SHANK2: variants seen among roughly 807,000 people sequenced by gnomAD.
SHANK2 encodes the protein SH3 and multiple ankyrin repeat domains 2.
A neutral mutation model predicts 133.7 loss-of-function variants in SHANK2; 43 were observed. The ratio of observed to expected loss-of-function variants is 0.32; its 90% CI spans 0.25 to 0.41. SHANK2 has a LOEUF of 0.41. Ranked by LOEUF, SHANK2 falls within the 10% of genes least tolerant of loss-of-function variation. The pLI is 1.00. For synonymous variants in SHANK2, 1,017 were observed against 952.8 expected (o/e 1.07, Z -1.24); for missense variants, 1,994 against 2,235.8 (o/e 0.89, Z 2.18).
intron 17 of SHANK2, among the ~76,000 whole-genome samples, chr11:70,598,547 G>A (rs191556656): frequency 5.9e-5 from 9 of 152,266 alleles, no homozygotes; most frequent in Non-Finnish European, 1.2e-4. Flanking sequence ...GAGAAAAAGA[G>A]AGAACACTCC....
intron 14 of SHANK2, among the ~76,000 whole-genome samples, chr11:70,729,934 G>T (rs1946251412): frequency 6.7e-6 from 1 of 149,160 alleles, no homozygotes; most frequent in South Asian, 2.1e-4. Flanking sequence ...AGGTGCCTGA[G>T]CCAGGTGGTC....
intron 15 of SHANK2, among the ~76,000 whole-genome samples, chr11:70,683,921 T>A (rs1318161732): frequency 1.3e-5 from 2 of 152,014 alleles, no homozygotes; most frequent in Non-Finnish European, 2.9e-5. Flanking sequence ...GTAGCTGGGA[T>A]TACAGGCCTA....
chr11:71,178,182 C>T (rs1024271190), intron 2 of SHANK2, among the ~76,000 whole-genome samples: 4 of 152,212 alleles, frequency 2.6e-5, no homozygotes, highest in African/African-American at 9.6e-5. Flanking sequence ...AACCCTTTCA[C>T]CTGTCCATCA....
At chr11:70,502,730 T>TGGGGGGGGGGGGGGG in intron 18 of SHANK2, 66 bp downstream of exon 18, 32 of 772,440 alleles carry the variant, frequency 4.1e-5, no homozygotes, top group Middle Eastern at 4.6e-4. Flanking sequence ...CCAGCTGTCC[T>TGGGGGGGGGGGGGGG]GCCCGCCCCC....
At chr11:70,662,107 C>A in intron 15 of SHANK2, 1 of 411,616 alleles carries the variant, frequency 2.4e-6, no homozygotes, top group Non-Finnish European at 4.5e-6. Context: ...CTTGTCCCGA[C>A]CACACGCATC....
In SHANK2 at chr11:70,507,402, G is replaced by T. The variant is rs535270975; in HGVS notation, c.2062-4471C>A. ...TTTCCTACGGGAGCCACAGGTGACT[G>T]GTGAGCCCTGTATCAATATAAGCTT... is the stretch of plus-strand genomic sequence containing the variant. On this transcript the variant is annotated intron_variant, in intron 17 of 25. Coordinates refer to ENST00000601538, the MANE Select transcript of SHANK2 (RefSeq NM_012309.5). Among the ~76,000 whole-genome samples, 540 of 152,312 alleles carry T rather than the reference G, an allele frequency of 3.5e-3. 2 individuals carry two copies. The highest frequency in any genetic ancestry group is 5.2e-3 in the Non-Finnish European group (351 of 68,024).
At chr11:71,127,966 G>T (rs1439160163) in intron 3 of SHANK2, among the ~76,000 whole-genome samples, 14 of 152,136 alleles carry the variant, frequency 9.2e-5, no homozygotes, top group Admixed American at 9.2e-4. Flanking sequence ...TCCTCTCCGC[G>T]TCTGCCGGCT....
rs1447592681 is a variant in SHANK2 at position 70,612,360 on chromosome 11, C to G, written c.2061+47468G>C. Reference sequence around the variant, plus strand: ...AGATGAACAAGCACCTGCCATTTACCTGATAGCAGCTGCATCTCTCGCCAG... The same window carrying G: ...AGATGAACAAGCACCTGCCATTTACGTGATAGCAGCTGCATCTCTCGCCAG... On this transcript the variant is annotated intron_variant, in intron 17 of 25. Coordinates refer to ENST00000601538, the MANE Select transcript of SHANK2 (RefSeq NM_012309.5). 2.0e-5 allele frequency among the ~76,000 whole-genome samples: 3 copies of G among 152,274 alleles called. No homozygotes were observed. The East Asian group carries it at 5.8e-4, about 29-fold the overall frequency.
At chr11:71,249,932 C>T (rs1350303816) in intron 1 of SHANK2, among the ~76,000 whole-genome samples, 2 of 152,166 alleles carry the variant, frequency 1.3e-5, no homozygotes, top group Non-Finnish European at 2.9e-5. Context: ...CACCTGGCTC[C>T]CCAAGCCCAG....
At chr11:70,599,970 AG>A (rs2060469880) in intron 17 of SHANK2, among the ~76,000 whole-genome samples, 1 of 89,768 alleles carries the variant, frequency 1.1e-5, no homozygotes, top group African/African-American at 5.1e-5. Flanking sequence ...AAAGAAAGAA[AG>A]AAAATGTATC....
intron 6 of SHANK2, among the ~76,000 whole-genome samples, chr11:71,096,713 A>G (rs1951620805): frequency 1.3e-5 from 2 of 152,208 alleles, no homozygotes; most frequent in African/African-American, 2.4e-5. Flanking sequence ...AGCCTTCAAA[A>G]CAGTTAGGAT....
intron 10 of SHANK2, among the ~76,000 whole-genome samples, chr11:70,955,010 C>T (rs1950897722): frequency 6.6e-6 from 1 of 152,240 alleles, no homozygotes; most frequent in Non-Finnish European, 1.5e-5. Context: ...ACCCAAACCA[C>T]CAAGCACAGT....
intron 2 of SHANK2, among the ~76,000 whole-genome samples, chr11:71,153,142 G>A (rs1555108412): frequency 6.6e-6 from 1 of 152,118 alleles, no homozygotes; most frequent in East Asian, 1.9e-4. Flanking sequence ...CAGCACGCCG[G>A]GAGGCTCCGC....
chr11:70,839,889 C>A (rs1948876536), intron 11 of SHANK2, among the ~76,000 whole-genome samples: 6 of 152,252 alleles, frequency 3.9e-5, no homozygotes, highest in Middle Eastern at 3.4e-3. Flanking sequence ...CCTCCCAGGG[C>A]CGAGCTGGCA....
chr11:71,148,765 C>CAGTTATGA (rs1952704603), intron 2 of SHANK2, among the ~76,000 whole-genome samples: 1 of 152,152 alleles, frequency 6.6e-6, no homozygotes, highest in Non-Finnish European at 1.5e-5. Context: ...TGTGGATGAT[C>CAGTTATGA]CCTGAAACAT....
At chr11:70,895,092 C>T (rs555587522) in intron 11 of SHANK2, among the ~76,000 whole-genome samples, 1 of 152,354 alleles carries the variant, frequency 6.6e-6, no homozygotes, top group South Asian at 2.1e-4. Flanking sequence ...TTTGCCCTGG[C>T]TCACAGGAGG....
chr11:70,917,922 G>T (rs1555080102), intron 10 of SHANK2, among the ~76,000 whole-genome samples: 1 of 152,124 alleles, frequency 6.6e-6, no homozygotes, highest in African/African-American at 2.4e-5. Flanking sequence ...TTTAATACCT[G>T]GTTGATGAAA....
At chr11:70,696,509 T>C (rs1945395692) in intron 15 of SHANK2, among the ~76,000 whole-genome samples, 1 of 152,152 alleles carries the variant, frequency 6.6e-6, no homozygotes, top group African/African-American at 2.4e-5. Flanking sequence ...CAGAAACAAT[T>C]CATCTGGCTC....
intron 17 of SHANK2, chr11:70,631,375 T>TAC (rs56370058): frequency 0.058 from 8,229 of 143,064 alleles, 379 homozygotes; most frequent in African/African-American, 0.13. Context: ...TTCCCGGAGT[T>TAC]ACACACACAC....
Sources: allele counts gnomAD v4.1 joint callset (sites outside exome capture counted in the v4.1 genomes callset), GRCh38; gene constraint gnomAD v4.1.1; transcripts MANE v1.5; gene names NCBI Gene and HGNC (gene_info 2026-07-23, HGNC 2026-07-21).